KAZN: variants seen among roughly 807,000 people sequenced by gnomAD.
KAZN encodes kazrin.
In KAZN, 40 loss-of-function variants were observed where a neutral mutation model predicts 87.4. The ratio of observed to expected loss-of-function variants is 0.46; its 90% confidence interval spans 0.36 to 0.60. KAZN has a LOEUF of 0.60. Among genes scored for constraint, KAZN ranks in the 20% least tolerant of loss-of-function variants. KAZN has a pLI of 0.00. For missense variants in KAZN, 898 were observed against 1,073.9 expected (o/e 0.84, Z 2.29); for synonymous variants, 466 against 458.3 (o/e 1.02, Z -0.22).
intron 1 of KAZN, among the ~76,000 whole-genome samples, chr1:14,837,967 G>A (rs1356548406): frequency 1.3e-5 from 2 of 152,156 alleles, no homozygotes; most frequent in African/African-American, 2.4e-5. Flanking sequence ...TGCTGTCTTA[G>A]TCCCTTTGTG....
chr1:14,084,241 G>C (rs1643782159), intron 1 of KAZN, among the ~76,000 whole-genome samples: 1 of 152,196 alleles, frequency 6.6e-6, no homozygotes, highest in South Asian at 2.1e-4. Context: ...AAGTTGAGAT[G>C]AACAGGAGTG....
intron 1 of KAZN, among the ~76,000 whole-genome samples, chr1:14,912,824 C>T (rs892688338): frequency 3.9e-5 from 6 of 152,186 alleles, no homozygotes; most frequent in African/African-American, 1.2e-4. Context: ...AGGCCAGATG[C>T]GGCTCCAAGG....
In KAZN at chr1:14,447,138, A is replaced by G. The variant is rs1436295060; in HGVS notation, c.250-151845A>G. Among the ~76,000 whole-genome samples the G allele has an allele frequency of 2.0e-5, 3 of 151,730 alleles. No individual in the cohort carries two copies. In the East Asian group the frequency reaches 5.8e-4, roughly 29 times the overall value. On this transcript the variant is annotated intron_variant, in intron 2 of 16. Coordinates refer to the KAZN transcript ENST00000636203. Reference sequence around the variant, plus strand: ...GTGTGCTTTATATTTAGCTAAAGCCAGAGCCTCTGGTATCCTAGTGGGAAC... The same window carrying G: ...GTGTGCTTTATATTTAGCTAAAGCCGGAGCCTCTGGTATCCTAGTGGGAAC...
chr1:14,916,979 C>T (rs561710877), intron 1 of KAZN, among the ~76,000 whole-genome samples: 10 of 152,106 alleles, frequency 6.6e-5, no homozygotes, highest in Non-Finnish European at 1.2e-4. Context: ...GGCAGCTCCA[C>T]CTGACACCTT....
chr1:14,892,465 C>T (rs1654819323), intron 1 of KAZN, among the ~76,000 whole-genome samples: 1 of 151,480 alleles, frequency 6.6e-6, no homozygotes, highest in African/African-American at 2.4e-5. Context: ...CATCTGAAGG[C>T]CTGTAATCTC....
intron 1 of KAZN, among the ~76,000 whole-genome samples, chr1:14,904,902 C>T (rs1293834194): frequency 2.6e-5 from 4 of 152,204 alleles, no homozygotes; most frequent in African/African-American, 9.6e-5. Context: ...GCTGGAACTA[C>T]AGGCGCTGGC....
At chr1:14,282,624 C>A (rs542031109) in intron 2 of KAZN, among the ~76,000 whole-genome samples, 1 of 152,126 alleles carries the variant, frequency 6.6e-6, no homozygotes, top group Non-Finnish European at 1.5e-5. Context: ...GCTTGGAGAC[C>A]GACCCTCTTA....
intron 1 of KAZN, among the ~76,000 whole-genome samples, chr1:14,028,177 T>C (rs184643085): frequency 6.6e-5 from 9 of 136,586 alleles, no homozygotes; most frequent in Non-Finnish European, 1.2e-4. Flanking sequence ...GGTGCAGCTC[T>C]TTATTTATGG....
chr1:14,662,289 TGCTGGGACCATCC>T (rs1213396338), intron 1 of KAZN, among the ~76,000 whole-genome samples: 2 of 152,202 alleles, frequency 1.3e-5, no homozygotes, highest in African/African-American at 4.8e-5. Context: ...CAAAGGAGGC[TGCTGGGACCATCC>T]GCAGTGTCGG....
chr1:14,924,439 C>CGGGGCG, intron 1 of KAZN: 1 of 988,094 alleles, frequency 1.0e-6, no homozygotes, highest in East Asian at 1.1e-4. Flanking sequence ...CGCCTTCCTG[C>CGGGGCG]GGGGCGGGGG....
At chr1:14,110,249 G>A (rs1014814565) in intron 1 of KAZN, among the ~76,000 whole-genome samples, 11 of 152,170 alleles carry the variant, frequency 7.2e-5, no homozygotes, top group African/African-American at 2.4e-4. Flanking sequence ...TGCAGAACAT[G>A]AGGGCATGGG....
chr1:13,961,745 T>C (rs557363939), intron 1 of KAZN, among the ~76,000 whole-genome samples: 2 of 152,312 alleles, frequency 1.3e-5, no homozygotes, highest in South Asian at 4.1e-4. Flanking sequence ...CTTGAGATTC[T>C]CTGGGATGGA....
chr1:14,550,854 C>G (rs1254594355), intron 2 of KAZN, among the ~76,000 whole-genome samples: 3 of 149,640 alleles, frequency 2.0e-5, no homozygotes, highest in Non-Finnish European at 4.4e-5. Context: ...GGGGACAGTC[C>G]TCCCTTCCCA....
chr1:14,343,167 C>CA (rs1657866394), intron 2 of KAZN, among the ~76,000 whole-genome samples: 1 of 151,594 alleles, frequency 6.6e-6, no homozygotes, highest in South Asian at 2.1e-4. Context: ...AACAAACAAA[C>CA]AACAAAAAAC....
chr1:14,132,543 A>C (rs1645013407), intron 1 of KAZN, among the ~76,000 whole-genome samples: 2 of 152,126 alleles, frequency 1.3e-5, no homozygotes, highest in Non-Finnish European at 2.9e-5. Context: ...CTCAAACTAC[A>C]TGAAATGAGA....
chr1:14,140,461 G>GA (rs1271398563), intron 1 of KAZN, among the ~76,000 whole-genome samples: 5 of 152,096 alleles, frequency 3.3e-5, no homozygotes, highest in Admixed American at 3.3e-4. Flanking sequence ...TAAGTCCCCA[G>GA]AAAACGTTTG....
At chr1:14,610,836 C>T (rs567025658) in intron 1 of KAZN, among the ~76,000 whole-genome samples, 14 of 152,176 alleles carry the variant, frequency 9.2e-5, no homozygotes, top group Non-Finnish European at 1.8e-4. Flanking sequence ...CTCTCTTTTT[C>T]ACTATCCCTT....
intron 13 of KAZN, among the ~76,000 whole-genome samples, chr1:15,109,449 C>T (rs1400765270): frequency 1.3e-5 from 2 of 152,158 alleles, no homozygotes; most frequent in African/African-American, 2.4e-5. Flanking sequence ...GTGTTTTACT[C>T]GCACCAGAAC....
chr1:14,839,597 G>A (rs1237150071), intron 1 of KAZN, among the ~76,000 whole-genome samples: 6 of 152,028 alleles, frequency 3.9e-5, no homozygotes, highest in African/African-American at 7.3e-5. Flanking sequence ...CTATTCTGAC[G>A]GCATTTGGTG....
Sources: gnomAD v4.1 joint callset for allele counts (sites outside exome capture counted in the v4.1 genomes callset) on GRCh38, gnomAD v4.1.1 for gene constraint, MANE v1.5 for transcripts, NCBI Gene and HGNC (gene_info 2026-07-23, HGNC 2026-07-21) for gene names.